Variants in GOLGA1 observed in about 807,000 individuals in gnomAD.
The protein encoded by GOLGA1 is golgin A1.
Under a neutral mutation model 119.7 loss-of-function variants are expected in GOLGA1, and 63 were observed. That is an observed-to-expected ratio of 0.53 (90% confidence interval 0.43 to 0.65). The LOEUF is 0.65. GOLGA1 is among the 30% of genes least tolerant of loss of function. GOLGA1 has a pLI of 0.00. For missense variants in GOLGA1, 798 were observed against 912.8 expected (o/e 0.87, Z 1.62); for synonymous variants, 318 against 333.4 (o/e 0.95, Z 0.50).
intron 10 of GOLGA1, 84 bp from the exon 11 acceptor site, chr9:124,912,110 T>G (rs189256418): frequency 8.3e-7 from 1 of 1,206,986 alleles, no homozygotes; most frequent in East Asian, 2.4e-5. Flanking sequence ...CACATTTTCC[T>G]GCAACTCTGT....
chr9:124,939,666 G>T (rs1020419663), intron 2 of GOLGA1, among the ~76,000 whole-genome samples: 1 of 142,788 alleles, frequency 7.0e-6, no homozygotes, highest in Non-Finnish European at 1.5e-5. Flanking sequence ...GGGTTCAAGC[G>T]ATTCTCCTGC....
At chr9:124,941,945 G>A (rs1831042099), upstream of GOLGA1, among the ~76,000 whole-genome samples, 1 of 151,998 alleles carries the variant, frequency 6.6e-6, no homozygotes, top group South Asian at 2.1e-4. Context: ...GCAGGCAGTA[G>A]GAAAATAAAC....
At chr9:124,938,492 G>T in intron 3 of GOLGA1, 85 bp downstream of exon 3, 1 of 1,101,060 alleles carries the variant, frequency 9.1e-7, no homozygotes, top group South Asian at 1.3e-5. Context: ...AACCATGAAA[G>T]GTATGAAATA....
rs1830561753 is a variant in GOLGA1, at chr9:124,921,146, A to C, written c.826T>G (p.Ser276Ala). The C allele has an allele frequency of 1.2e-6, 2 of 1,600,440 alleles. No homozygotes were observed. The highest frequency in any genetic ancestry group is 1.7e-6 in the Non-Finnish European group (2 of 1,167,478). The change falls in exon 10 of 23, where the codon TCC becomes GCC. Residue 276 changes from serine (S) to alanine (A), a missense_variant. Ser to Ala is a moderately conservative substitution (Grantham distance 99, BLOSUM62 1). Coordinates refer to ENST00000373555, the MANE Select transcript of GOLGA1 (RefSeq NM_002077.4). ...CTACTTACCTTTTGCAAATCAATGG[A>C]AAGCTGCTGAATGAGTGCTTGGAGC... ...QELQALIQQL[S>A]IDLQKVTAET...
chr9:124,920,899 G>A (rs1380198937), intron 10 of GOLGA1, among the ~76,000 whole-genome samples: 1 of 151,610 alleles, frequency 6.6e-6, no homozygotes, highest in African/African-American at 2.4e-5. Context: ...CGACCAAATG[G>A]TGTACTTTGA....
intron 6 of GOLGA1, among the ~76,000 whole-genome samples, 199 bp from the exon 7 acceptor site, chr9:124,926,940 T>C (rs1000080621): frequency 2.0e-5 from 3 of 152,200 alleles, no homozygotes; most frequent in African/African-American, 7.2e-5. Flanking sequence ...AAATGAACTT[T>C]ATCTAAGATT....
At chr9:124,918,157 C>A (rs1034897992) in intron 10 of GOLGA1, among the ~76,000 whole-genome samples, 1 of 152,134 alleles carries the variant, frequency 6.6e-6, no homozygotes, top group Non-Finnish European at 1.5e-5. Context: ...CAGCCCTGAT[C>A]TGATATCTTT....
chr9:124,930,277 A>G (rs969449736), intron 4 of GOLGA1, among the ~76,000 whole-genome samples: 1 of 152,174 alleles, frequency 6.6e-6, no homozygotes, highest in Non-Finnish European at 1.5e-5. Context: ...AACAAATGTA[A>G]AATTACTTTA....
upstream of GOLGA1, among the ~76,000 whole-genome samples, chr9:124,941,591 C>T (rs1159353060): frequency 2.6e-5 from 4 of 152,230 alleles, no homozygotes; most frequent in Admixed American, 2.6e-4. Context: ...GGACCTTACA[C>T]CTTGAGACCA....
rs912289317 is a variant in GOLGA1, at chr9:124,898,634, T to C, written c.1322A>G (p.Glu441Gly). ...TTCTTTAAGGGCTGCATTTTCTTGCTCCAGTTGTCTCTGCCAATTCAGAAG... is the reference window on the plus strand; with the variant it reads ...TTCTTTAAGGGCTGCATTTTCTTGCCCCAGTTGTCTCTGCCAATTCAGAAG... Reference protein sequence around the residue: ...TTAEQGMRQLEQENAALKECR... With the variant: ...TTAEQGMRQLGQENAALKECR... Residue 441 changes from glutamate (E) to glycine (G), a missense_variant, in exon 15 of 23, where the codon GAG (glutamate) becomes GGG (glycine). Physicochemically the swap from Glu to Gly is moderately conservative, Grantham distance 98. Transcript: ENST00000373555. 1.9e-6 allele frequency: 3 copies of C among 1,602,908 alleles called. No individual in the cohort carries two copies. The African/African-American group carries it at 4.0e-5, about 21-fold the overall frequency.
intron 19 of GOLGA1, among the ~76,000 whole-genome samples, chr9:124,883,144 G>A (rs1829629102): frequency 6.6e-6 from 1 of 151,764 alleles, no homozygotes; most frequent in African/African-American, 2.4e-5. Context: ...CTGTTGCCCA[G>A]GCTGGAGTGC....
At chr9:124,917,859 ATT>A (rs1333564299) in intron 10 of GOLGA1, among the ~76,000 whole-genome samples, 6 of 149,660 alleles carry the variant, frequency 4.0e-5, no homozygotes, top group African/African-American at 1.5e-4. Context: ...ATATATATAT[ATT>A]TTTTTTTTGA....
intron 3 of GOLGA1, among the ~76,000 whole-genome samples, chr9:124,935,771 A>G (rs1224193696): frequency 6.6e-6 from 1 of 151,900 alleles, no homozygotes; most frequent in East Asian, 1.9e-4. Context: ...TCCAAAAAAA[A>G]AAAAAAAAAA....
chr9:124,912,297 G>C (rs747598043), intron 10 of GOLGA1, among the ~76,000 whole-genome samples: 1 of 152,138 alleles, frequency 6.6e-6, no homozygotes, highest in Admixed American at 6.5e-5. Flanking sequence ...CATTACCTAC[G>C]TGGTAGAGGC....
chr9:124,945,025 A>T (rs1831123220), upstream of GOLGA1: 1 of 152,188 alleles, frequency 6.6e-6, no homozygotes, highest in African/African-American at 2.4e-5. Context: ...ACCTAAAATT[A>T]CCTATGTCTT....
At chr9:124,938,054 C>A (rs565785916) in intron 3 of GOLGA1, among the ~76,000 whole-genome samples, 18 of 146,634 alleles carry the variant, frequency 1.2e-4, no homozygotes, top group Admixed American at 1.0e-3. Context: ...CTGCACTCCA[C>A]TTTGGGCTAC....
intron 14 of GOLGA1, 32 bp from the exon 15 acceptor site, chr9:124,898,676 G>A (rs1830032866): frequency 1.6e-6 from 2 of 1,260,296 alleles, no homozygotes; most frequent in Non-Finnish European, 2.3e-6. Flanking sequence ...TATAAAAGAA[G>A]TCTTCACTAC....
intron 7 of GOLGA1, among the ~76,000 whole-genome samples, chr9:124,924,573 A>G (rs754093570): frequency 3.4e-5 from 5 of 149,082 alleles, no homozygotes; most frequent in Admixed American, 6.8e-5. Context: ...TCGAGGCTGC[A>G]GTGAGCTATG....
chr9:124,924,150 C>T (rs1298606323), intron 7 of GOLGA1, among the ~76,000 whole-genome samples: 1 of 152,134 alleles, frequency 6.6e-6, no homozygotes, highest in African/African-American at 2.4e-5. Flanking sequence ...GCCACTGTGC[C>T]CAGCCTTATT....
Sources: gnomAD v4.1 joint callset for allele counts (sites outside exome capture counted in the v4.1 genomes callset) on GRCh38, gnomAD v4.1.1 for gene constraint, MANE v1.5 for transcripts, NCBI Gene and HGNC (gene_info 2026-07-23, HGNC 2026-07-21) for gene names.